EFL1: variants seen among roughly 807,000 people sequenced by gnomAD.
EFL1 encodes the protein elongation factor-like GTPase 1.
Under a neutral mutation model 126.7 loss-of-function variants are expected in EFL1, and 76 were observed. That is an observed-to-expected ratio of 0.60 (90% CI 0.50 to 0.73). The LOEUF is 0.73. Ranked by LOEUF, EFL1 falls within the 30% of genes least tolerant of loss-of-function variation. The pLI, the probability that EFL1 is intolerant of heterozygous loss-of-function variation, is 0.00. For missense variants in EFL1, 1,128 were observed against 1,343.2 expected (o/e 0.84, Z 2.50); for synonymous variants, 410 against 448.4 (o/e 0.91, Z 1.08).
chr15:82,145,690 C>T (rs548154408), intron 18 of EFL1, among the ~76,000 whole-genome samples: 45 of 151,472 alleles, frequency 3.0e-4, no homozygotes, highest in African/African-American at 9.9e-4. Context: ...AAAAAATAGC[C>T]GGGAGTGGTG....
intron 15 of EFL1, among the ~76,000 whole-genome samples, chr15:82,195,379 G>C (rs1464398715): frequency 6.6e-6 from 1 of 152,178 alleles, no homozygotes; most frequent in Non-Finnish European, 1.5e-5. Flanking sequence ...TGTATCTCAT[G>C]TCTGGGCAGA....
chr15:82,217,366 T>A (rs2074658432), intron 14 of EFL1, among the ~76,000 whole-genome samples: 1 of 56,872 alleles, frequency 1.8e-5, no homozygotes, highest in Admixed American at 2.1e-4. Context: ...TAGCATTGAT[T>A]AGATTTGAAA....
chr15:82,178,131 C>T (rs2074213526), intron 15 of EFL1, among the ~76,000 whole-genome samples: 1 of 152,188 alleles, frequency 6.6e-6, no homozygotes, highest in Non-Finnish European at 1.5e-5. Flanking sequence ...TTATCAGCAA[C>T]AAACTAAAGA....
chr15:82,215,520 T>A (rs1421697692), intron 14 of EFL1: 3 of 152,168 alleles, frequency 2.0e-5, no homozygotes, highest in Non-Finnish European at 4.4e-5. Flanking sequence ...TTTATTCTTA[T>A]GGAACTATTG....
At chr15:82,164,464 CCCT>C (rs926663261) in intron 15 of EFL1, among the ~76,000 whole-genome samples, 1 of 152,132 alleles carries the variant, frequency 6.6e-6, no homozygotes, top group African/African-American at 2.4e-5. Flanking sequence ...TCCATACTCC[CCCT>C]GTTTTAGAAG....
chr15:82,179,408 T>C (rs1431572313), intron 15 of EFL1, among the ~76,000 whole-genome samples: 1 of 152,110 alleles, frequency 6.6e-6, no homozygotes, highest in African/African-American at 2.4e-5. Context: ...CTCTGATTGA[T>C]TTTAAAGACA....
At chr15:82,185,813 C>T (rs2074297574) in intron 15 of EFL1, among the ~76,000 whole-genome samples, 1 of 151,980 alleles carries the variant, frequency 6.6e-6, no homozygotes, top group African/African-American at 2.4e-5. Context: ...ACATTTTTTC[C>T]CTAGAAAATC....
chr15:82,186,433 G>A (rs1317445544), intron 15 of EFL1, among the ~76,000 whole-genome samples: 3 of 152,056 alleles, frequency 2.0e-5, no homozygotes, highest in South Asian at 2.1e-4. Context: ...CATAGAAAAC[G>A]GCAAAAGAAT....
chr15:82,262,665 C>G lies in EFL1; in HGVS notation c.-71G>C. 3.7e-6 allele frequency: 2 copies of G among 535,246 alleles called. No homozygotes were observed. The highest frequency in any genetic ancestry group is 2.0e-5 in the African/African-American group (1 of 50,398). The allele number at this position is 535,246 out of a possible 1,614,324, so 33.2% of individuals were successfully genotyped here. On this transcript the variant is annotated 5_prime_UTR_variant, in exon 1 of 20. Coordinates refer to ENST00000268206, the MANE Select transcript of EFL1 (RefSeq NM_024580.6). ...CTCCTTCTCTCGGGTCGCACCCACACCGAGAGCTTCCGAAAGTCCGAGAGC... is the reference window on the plus strand; with the variant it reads ...CTCCTTCTCTCGGGTCGCACCCACAGCGAGAGCTTCCGAAAGTCCGAGAGC...
chr15:82,159,931 C>T (rs2074005530), intron 16 of EFL1: 1 of 152,136 alleles, frequency 6.6e-6, no homozygotes, highest in African/African-American at 2.4e-5. Flanking sequence ...TAGAAGCCGA[C>T]CTTGGAATGG....
chr15:82,167,743 T>C (rs1057346665), intron 15 of EFL1, among the ~76,000 whole-genome samples: 2 of 152,208 alleles, frequency 1.3e-5, no homozygotes, highest in Non-Finnish European at 2.9e-5. Context: ...AGAATTACCA[T>C]CTTCAGGCAA....
intron 7 of EFL1, chr15:82,233,516 A>T (rs1469580842): frequency 6.6e-6 from 1 of 152,196 alleles, no homozygotes; most frequent in Admixed American, 6.5e-5. Context: ...ATTAATGTTA[A>T]TTACAGAATT....
chr15:82,138,628 G>A (rs762768501), intron 19 of EFL1, 30 bp downstream of exon 19: 2 of 1,607,990 alleles, frequency 1.2e-6, no homozygotes, highest in South Asian at 2.2e-5. Flanking sequence ...AGATGAGAAG[G>A]AAGGAATGAA....
chr15:82,202,339 A>T (rs1363791306), intron 15 of EFL1, among the ~76,000 whole-genome samples: 2 of 152,144 alleles, frequency 1.3e-5, no homozygotes, highest in Non-Finnish European at 2.9e-5. Context: ...TAAATAAATG[A>T]CATTTTTTAA....
At chr15:82,167,462 G>C (rs1168200375) in intron 15 of EFL1, among the ~76,000 whole-genome samples, 1 of 151,998 alleles carries the variant, frequency 6.6e-6, no homozygotes, top group Non-Finnish European at 1.5e-5. Flanking sequence ...TTTCTAGGCT[G>C]TCCCAAATGT....
At chr15:82,170,184 G>A (rs1045299837) in intron 15 of EFL1, among the ~76,000 whole-genome samples, 2 of 138,830 alleles carry the variant, frequency 1.4e-5, no homozygotes, top group Middle Eastern at 8.5e-3. Flanking sequence ...GCGGGATCTC[G>A]GCTCACTGCA....
At chr15:82,207,305 T>TACACACAC (rs533413907) in intron 15 of EFL1, among the ~76,000 whole-genome samples, 1 of 122,722 alleles carries the variant, frequency 8.1e-6, no homozygotes, top group Admixed American at 7.9e-5. Context: ...TATATATATA[T>TACACACAC]ATACACACAC....
chr15:82,239,248 T>C (rs2074905742), intron 6 of EFL1, among the ~76,000 whole-genome samples: 1 of 152,192 alleles, frequency 6.6e-6, no homozygotes, highest in South Asian at 2.1e-4. Flanking sequence ...ACCATTCTCC[T>C]GCTTCAGCCT....
At chr15:82,241,138 C>T in intron 5 of EFL1, 132 bp downstream of exon 5, 2 of 1,037,148 alleles carry the variant, frequency 1.9e-6, no homozygotes, top group Non-Finnish European at 1.4e-6. Context: ...AACTCCTTCA[C>T]AGACTGGAAC....
Sources: gnomAD v4.1 joint callset for allele counts (sites outside exome capture counted in the v4.1 genomes callset) on GRCh38, gnomAD v4.1.1 for gene constraint, MANE v1.5 for transcripts, NCBI Gene and HGNC (gene_info 2026-07-23, HGNC 2026-07-21) for gene names.